Variants in TNFAIP3 observed in about 807,000 individuals in gnomAD.
TNFAIP3 encodes the protein tumor necrosis factor alpha-induced protein 3.
TNFAIP3 carries 9 observed loss-of-function variants against 72.4 expected under a neutral mutation model. The observed-to-expected ratio is 0.12, with a 90% CI of 0.07 to 0.22. TNFAIP3 has a LOEUF of 0.22. Ranked by LOEUF, TNFAIP3 falls within the 10% of genes least tolerant of loss-of-function variation. The pLI is 1.00. For synonymous variants in TNFAIP3, 339 were observed against 372.6 expected, an observed-to-expected ratio of 0.91 and a Z score of 1.04; for missense variants, 833 against 1,018.7, an observed-to-expected ratio of 0.82 and a Z score of 2.48.
In TNFAIP3 at chr6:137,881,228, G is replaced by T. The variant is rs368859219; in HGVS notation, c.2282G>T (p.Arg761Leu). ...GCCCCCGAAGACCCCCCCAAGCAGC[G>T]TTGCCGGGCCCCCGCCTGTGATCAT... ...EPAPEDPPKQ[R>L]CRAPACDHFG... is the part of the protein sequence containing the mutation. The change falls in exon 9 of 9, where the codon CGT (arginine) becomes CTT (leucine). Residue 761 changes from arginine to leucine, a missense_variant. Arg to Leu is a moderately radical substitution (Grantham distance 102). Around this residue, in one of 2 missense-constraint regions of TNFAIP3, gnomAD observed 587 missense variants for 657.8 expected, o/e 0.89. Transcript: ENST00000612899. The surrounding 1 kb of genome is among the most constrained non-coding windows in gnomAD (Gnocchi z 5.0). 7.5e-6 allele frequency: 12 copies of T among 1,608,032 alleles called. No homozygotes were observed. The highest frequency in any genetic ancestry group is 1.0e-5 in the Non-Finnish European group (12 of 1,177,392).
chr6:137,881,460 C>T lies in TNFAIP3; in HGVS notation c.*141C>T, dbSNP rs897987121. 1.1e-5 allele frequency: 8 copies of T among 740,110 alleles called. No homozygotes were observed. Among genetic ancestry groups the T allele is most frequent in the African/African-American group, 5.4e-5 (3 of 55,416 alleles). 45.8% of individuals were successfully genotyped at this position (740,110 alleles called of 1,614,324 possible). On this transcript the variant is annotated 3_prime_UTR_variant, in exon 9 of 9. Coordinates refer to ENST00000612899, the MANE Select transcript of TNFAIP3 (RefSeq NM_001270508.2). This position sits in a 1 kb window ranked among gnomAD's most constrained non-coding sequence, Gnocchi z 5.0. ...AGCAGGAGAGGAAAGATAAGCTCTT[C>T]GTGGTGCCCACGATGCTCAGGTTTG...
At chr6:137,880,861 C>T (rs573969387) in intron 8 of TNFAIP3, among the ~76,000 whole-genome samples, 174 bp from the exon 9 acceptor site, 1 of 152,266 alleles carries the variant, frequency 6.6e-6, no homozygotes, top group South Asian at 2.1e-4. Context: ...TGGAAAGAAA[C>T]ATCCTTCGAG....
chr6:137,871,287 G>C lies in TNFAIP3; in HGVS notation c.60G>C (p.Lys20Asn), dbSNP rs1302093455. The change falls in exon 2 of 9, where the codon AAG becomes AAC. Residue 20 changes from lysine (K) to asparagine (N), a missense_variant. Lys to Asn is a moderately conservative substitution (Grantham distance 94). This residue lies in a region of TNFAIP3 where 246 missense variants were observed against 360.9 expected (regional missense o/e 0.68). Coordinates refer to ENST00000612899, the MANE Select transcript of TNFAIP3 (RefSeq NM_001270508.2). The surrounding 1 kb of genome is among the most constrained non-coding windows in gnomAD (Gnocchi z 4.2). ...LYLSNMRKAV[K>N]IRERTPEDIF... ...TGAGCAATATGCGGAAAGCTGTGAAGATACGGGAGAGAACTCCAGAAGACA... is the reference window on the plus strand; with the variant it reads ...TGAGCAATATGCGGAAAGCTGTGAACATACGGGAGAGAACTCCAGAAGACA... 6.2e-7 allele frequency: 1 copy of C among 1,613,936 alleles called. No individual in the cohort carries two copies. The highest frequency in any genetic ancestry group is 8.5e-7 in the Non-Finnish European group (1 of 1,180,022).
At position 137,867,622 on chromosome 6, in the gene TNFAIP3, C is replaced by T. The variant is rs1044920711; in HGVS notation, c.-16+80C>T. ...TGCGGGTGCATGTTGGGCAGCGACC[C>T]CCGGGCTGGCACCGTCTACCTGGCG... On this transcript the variant is annotated intron_variant, in intron 1 of 8. Coordinates refer to ENST00000612899, the MANE Select transcript of TNFAIP3 (RefSeq NM_001270508.2). This position sits in a 1 kb window ranked among gnomAD's most constrained non-coding sequence, Gnocchi z 6.0. 2.0e-5 allele frequency: 3 copies of T among 152,630 alleles called. No homozygotes were observed. The highest frequency in any genetic ancestry group is 7.2e-5 in the African/African-American group (3 of 41,412). 9.5% of individuals were successfully genotyped at this position (152,630 alleles called of 1,614,324 possible). A position where few individuals can be genotyped will look rare whatever the true frequency, so the allele number is the denominator to read the frequency against.
Position 137,878,812 on chromosome 6 carries a change from G to A in TNFAIP3, c.1367G>A (p.Gly456Glu). The A allele has an allele frequency of 6.2e-7, 1 of 1,614,076 alleles. No homozygotes were observed. The stretch of plus-strand genomic sequence containing the variant: ...TGGAACCCTGAGGAGTCCACTGGGG[G>A]GCCTCATTCGGCCCCACCGACAGCA... Reference protein sequence around the residue: ...LAWNPEESTGGPHSAPPTAPS... With the variant: ...LAWNPEESTGEPHSAPPTAPS... Residue 456 changes from glycine to glutamate, a missense_variant, in exon 7 of 9, where the codon GGG (glycine) becomes GAG (glutamate). Coordinates refer to ENST00000612899, the MANE Select transcript of TNFAIP3 (RefSeq NM_001270508.2).
intron 2 of TNFAIP3, 47 bp from the exon 3 acceptor site, chr6:137,874,798 T>G: frequency 6.3e-7 from 1 of 1,583,506 alleles, no homozygotes; most frequent in Non-Finnish European, 8.6e-7. Context: ...GGGTCTTACA[T>G]GCAGATAACT....
chr6:137,868,713 T>G (rs905889417), intron 1 of TNFAIP3, among the ~76,000 whole-genome samples: 3 of 141,142 alleles, frequency 2.1e-5, no homozygotes, highest in African/African-American at 8.2e-5. Flanking sequence ...AAAAAAAAAG[T>G]TAAGGGTAAT....
At chr6:137,880,024 G>T in intron 7 of TNFAIP3, 47 bp from the exon 8 acceptor site, 3 of 1,570,396 alleles carry the variant, frequency 1.9e-6, no homozygotes, top group East Asian at 2.2e-5. Context: ...CTCTGTATCG[G>T]TGGGGTGACC....
At position 137,874,934 on chromosome 6, in the gene TNFAIP3, A is replaced by C. The variant is rs1172511918; in HGVS notation, c.385A>C (p.Thr129Pro). ...GGTACTGAGGAAGGCGCTGTTCAGCACGCTCAAGGAAACAGACACACGCAA... is the reference window on the plus strand; with the variant it reads ...GGTACTGAGGAAGGCGCTGTTCAGCCCGCTCAAGGAAACAGACACACGCAA... The part of the protein sequence containing the change: ...DLVLRKALFS[T>P]LKETDTRNFK... Residue 129 changes from threonine to proline, a missense_variant, in exon 3 of 9, where the codon ACG becomes CCG. Around this residue, in one of 2 missense-constraint regions of TNFAIP3, gnomAD observed 246 missense variants for 360.9 expected, o/e 0.68. Coordinates refer to ENST00000612899, the MANE Select transcript of TNFAIP3 (RefSeq NM_001270508.2). The C allele has an allele frequency of 1.9e-6, 3 of 1,614,248 alleles. No individual in the cohort carries two copies. The highest frequency in any genetic ancestry group is 2.5e-6 in the Non-Finnish European group (3 of 1,180,040).
intron 1 of TNFAIP3, among the ~76,000 whole-genome samples, chr6:137,870,584 A>C (rs1234439122): frequency 6.6e-6 from 1 of 152,262 alleles, no homozygotes; most frequent in African/African-American, 2.4e-5. Flanking sequence ...AATAAACTTC[A>C]TGATTAAACA....
intron 1 of TNFAIP3, among the ~76,000 whole-genome samples, chr6:137,869,389 G>A (rs988842254): frequency 2.2e-5 from 3 of 133,866 alleles, no homozygotes; most frequent in Admixed American, 7.9e-5. Flanking sequence ...ACGGACGGAC[G>A]GACGGACGGA....
chr6:137,878,134 A>C (rs1408175102), intron 6 of TNFAIP3, among the ~76,000 whole-genome samples: 1 of 152,254 alleles, frequency 6.6e-6, no homozygotes, highest in Non-Finnish European at 1.5e-5. Flanking sequence ...CCCTTGTTTT[A>C]GAACTATCTA....
Position 137,875,046 on chromosome 6 carries a change from C to A in TNFAIP3, c.486+11C>A, listed in dbSNP as rs376559304. ...TGCTATGATACTCGGGTAGGTTTTT[C>A]CCCCTAATTATCTACTAACAGAGCT... On this transcript the variant is annotated intron_variant, in intron 3 of 8. Transcript: ENST00000612899. The A allele has an allele frequency of 1.1e-5, 18 of 1,613,638 alleles. No homozygotes were observed. The African/African-American group carries it at 1.9e-4, about 17-fold the overall frequency.
Position 137,871,284 on chromosome 6 carries a change from G to A in TNFAIP3, c.57G>A (p.Val19=), listed in dbSNP as rs2114458191. 1.9e-6 allele frequency: 3 copies of A among 1,614,054 alleles called. No homozygotes were observed. The highest frequency in any genetic ancestry group is 2.5e-6 in the Non-Finnish European group (3 of 1,180,010). ...ATTTGAGCAATATGCGGAAAGCTGTGAAGATACGGGAGAGAACTCCAGAAG... is the reference window on the plus strand; with the variant it reads ...ATTTGAGCAATATGCGGAAAGCTGTAAAGATACGGGAGAGAACTCCAGAAG... The part of the protein sequence containing the change: ...ALYLSNMRKA[V]KIRERTPEDI... The change falls in exon 2 of 9, where the codon GTG becomes GTA. Residue 19 remains valine (V), a synonymous_variant. Coordinates refer to ENST00000612899, the MANE Select transcript of TNFAIP3 (RefSeq NM_001270508.2). This position sits in a 1 kb window ranked among gnomAD's most constrained non-coding sequence, Gnocchi z 4.2.
chr6:137,881,944 G>A lies in TNFAIP3; in HGVS notation c.*625G>A, dbSNP rs1374175097. On this transcript the variant is annotated 3_prime_UTR_variant, in exon 9 of 9. Coordinates refer to ENST00000612899, the MANE Select transcript of TNFAIP3 (RefSeq NM_001270508.2). The surrounding 1 kb of genome is among the most constrained non-coding windows in gnomAD (Gnocchi z 5.0). ...TGGACTGTGATTCTGAGGCTGCTGAGACTGAACATGTTCACATTGACAGAA... is the reference window on the plus strand; with the variant it reads ...TGGACTGTGATTCTGAGGCTGCTGAAACTGAACATGTTCACATTGACAGAA... 4.3e-6 allele frequency: 1 copy of A among 231,912 alleles called. No homozygotes were observed. Among genetic ancestry groups the A allele is most frequent in the Admixed American group, 5.6e-5 (1 of 17,734 alleles). The allele number at this position is 231,912 out of a possible 1,614,324, so 14.4% of individuals were successfully genotyped here.
At position 137,879,047 on chromosome 6, in the gene TNFAIP3, G is replaced by A; in HGVS notation, c.1602G>A (p.Gly534=). Residue 534 remains glycine, a synonymous_variant, in exon 7 of 9, where the codon GGG becomes GGA. Coordinates refer to ENST00000612899, the MANE Select transcript of TNFAIP3 (RefSeq NM_001270508.2). Reference sequence around the variant, plus strand: ...AGGATGTTACCAGGACATTTAATGGGATCTGCAGTACTTGCTTCAAAAGGA... The same window carrying A: ...AGGATGTTACCAGGACATTTAATGGAATCTGCAGTACTTGCTTCAAAAGGA... ...CLQDVTRTFN[G]ICSTCFKRTT... The A allele has an allele frequency of 6.2e-7, 1 of 1,614,220 alleles. No homozygotes were observed. The highest frequency in any genetic ancestry group is 1.1e-5 in the South Asian group (1 of 91,086).
chr6:137,876,138 C>T lies in TNFAIP3; in HGVS notation c.777C>T (p.Pro259=). 6.2e-7 allele frequency: 1 copy of T among 1,613,988 alleles called. No individual in the cohort carries two copies. The highest frequency in any genetic ancestry group is 8.5e-7 in the Non-Finnish European group (1 of 1,179,928). ...VLGYDSHHFV[P]LVTLKDSGPE... is the part of the protein sequence containing the mutation. Reference sequence around the variant, plus strand: ...GCTATGACAGCCATCATTTTGTACCCTTGGTGACCCTGAAGGACAGTGGGC... The same window carrying T: ...GCTATGACAGCCATCATTTTGTACCTTTGGTGACCCTGAAGGACAGTGGGC... The change falls in exon 5 of 9, where the codon CCC becomes CCT. Residue 259 remains proline (P), a synonymous_variant. Transcript: ENST00000612899.
At position 137,875,246 on chromosome 6, in the gene TNFAIP3, G is replaced by A. The variant is rs183388909; in HGVS notation, c.486+211G>A. Among the ~76,000 whole-genome samples the A allele has an allele frequency of 1.6e-4, 25 of 152,342 alleles. No homozygotes were observed. In the South Asian group the frequency reaches 2.9e-3, roughly 18 times the overall value. On this transcript the variant is annotated intron_variant, in intron 3 of 8. Transcript: ENST00000612899. ...TTTGGTTAGCAGATTCCCAGCTGTG[G>A]ATCCGTTCCTGTAGCAGCGAGTCTT...
intron 7 of TNFAIP3, among the ~76,000 whole-genome samples, chr6:137,879,832 G>A (rs1776388101): frequency 6.6e-6 from 1 of 152,208 alleles, no homozygotes; most frequent in Non-Finnish European, 1.5e-5. Flanking sequence ...GCCTGTTCCT[G>A]TGAGCAATCA....
Sources: allele counts gnomAD v4.1 joint callset (sites outside exome capture counted in the v4.1 genomes callset), GRCh38; gene constraint gnomAD v4.1.1; regional missense constraint gnomAD v4.1.1; non-coding constraint Gnocchi (gnomAD v3.1); transcripts MANE v1.5; gene names NCBI Gene and HGNC (gene_info 2026-07-23, HGNC 2026-07-21).